Variants in RFX8 observed in about 807,000 individuals in gnomAD.
RFX8 encodes the protein DNA-binding protein RFX8.
In RFX8, 46 loss-of-function variants were observed where a neutral mutation model predicts 54.6. That is an observed-to-expected ratio of 0.84 (90% confidence interval 0.67 to 1.08). The LOEUF is 1.08. RFX8 is among the 50% of genes least tolerant of loss of function. The pLI is 0.00. For missense variants in RFX8, 536 were observed against 562.3 expected, an observed-to-expected ratio of 0.95 and a Z score of 0.47; for synonymous variants, 192 against 209.5, an observed-to-expected ratio of 0.92 and a Z score of 0.72.
intron 2 of RFX8, among the ~76,000 whole-genome samples, chr2:101,463,946 T>C (rs185714409): frequency 6.6e-6 from 1 of 152,310 alleles, no homozygotes; most frequent in Non-Finnish European, 1.5e-5. Flanking sequence ...ATCAGACTGA[T>C]GACAATGTTG....
intron 10 of RFX8, among the ~76,000 whole-genome samples, chr2:101,403,741 C>T (rs112538218): frequency 0.018 from 2,753 of 152,118 alleles, 92 homozygotes; most frequent in African/African-American, 0.062. Context: ...GAGCCAAGAT[C>T]GCACCATTGC....
intron 9 of RFX8, among the ~76,000 whole-genome samples, chr2:101,407,573 T>G (rs1171592975): frequency 6.6e-6 from 1 of 152,066 alleles, no homozygotes; most frequent in African/African-American, 2.4e-5. Context: ...ACGCCTGTAA[T>G]CCCAGCTACT....
At chr2:101,461,260 C>T (rs1322034003) in intron 2 of RFX8, among the ~76,000 whole-genome samples, 3 of 15,402 alleles carry the variant, frequency 1.9e-4, no homozygotes, top group Non-Finnish European at 3.7e-4. Flanking sequence ...GAGACTCCAT[C>T]TCAAAAAAAA....
intron 11 of RFX8, among the ~76,000 whole-genome samples, chr2:101,398,910 T>C (rs1269081610): frequency 6.6e-6 from 1 of 152,190 alleles, no homozygotes; most frequent in Non-Finnish European, 1.5e-5. Context: ...CACCACCCAG[T>C]GAAAAGGTGT....
chr2:101,451,581 C>T (rs897270010), intron 2 of RFX8, among the ~76,000 whole-genome samples: 11 of 149,142 alleles, frequency 7.4e-5, no homozygotes, highest in Non-Finnish European at 1.3e-4. Flanking sequence ...CCCAGCTACT[C>T]GGGAGGCTGA....
chr2:101,419,251 T>C (rs1047770126), intron 4 of RFX8, among the ~76,000 whole-genome samples: 1 of 152,168 alleles, frequency 6.6e-6, no homozygotes, highest in Non-Finnish European at 1.5e-5. Context: ...GGGGCTCCAG[T>C]TGATTATACT....
intron 11 of RFX8, among the ~76,000 whole-genome samples, chr2:101,401,034 T>C (rs981122287): frequency 2.0e-5 from 3 of 152,284 alleles, no homozygotes; most frequent in East Asian, 1.9e-4. Flanking sequence ...CACCCCCAAG[T>C]TGGGGTCAGT....
intron 1 of RFX8, 62 bp downstream of exon 1, chr2:101,474,574 C>A (rs1164614404): frequency 1.1e-5 from 3 of 283,690 alleles, no homozygotes; most frequent in Non-Finnish European, 2.0e-5. Flanking sequence ...TCTCACCCAG[C>A]GCCCTTCCCA....
intron 2 of RFX8, among the ~76,000 whole-genome samples, chr2:101,431,350 C>T (rs7587252): frequency 0.73 from 111,800 of 152,112 alleles, 42,565 homozygotes; most frequent in Middle Eastern, 0.88. Context: ...GCTGAAGTGT[C>T]GGGTGCTAGG....
intron 2 of RFX8, among the ~76,000 whole-genome samples, chr2:101,459,792 C>T (rs2148984962): frequency 6.6e-6 from 1 of 152,322 alleles, no homozygotes; most frequent in Non-Finnish European, 1.5e-5. Flanking sequence ...ACGTTTAAGT[C>T]TGCAGAAGTT....
intron 9 of RFX8, among the ~76,000 whole-genome samples, chr2:101,407,216 CT>C (rs905806919): frequency 3.3e-5 from 5 of 152,228 alleles, no homozygotes; most frequent in Non-Finnish European, 7.3e-5. Context: ...CTTTTCCCTT[CT>C]GCCCCAGTGA....
chr2:101,400,323 C>T (rs911192342), intron 11 of RFX8, among the ~76,000 whole-genome samples: 3 of 152,292 alleles, frequency 2.0e-5, no homozygotes, highest in Admixed American at 2.0e-4. Flanking sequence ...GTCACTTTAG[C>T]GAGAATGCCC....
intron 9 of RFX8, among the ~76,000 whole-genome samples, chr2:101,408,399 G>C (rs1685880453): frequency 6.6e-6 from 1 of 152,016 alleles, no homozygotes; most frequent in Admixed American, 6.6e-5. Flanking sequence ...GCAGGAGAAT[G>C]GCGTGAACCC....
intron 1 of RFX8, among the ~76,000 whole-genome samples, chr2:101,472,013 G>A (rs1690027116): frequency 6.6e-6 from 1 of 151,988 alleles, no homozygotes; most frequent in Non-Finnish European, 1.5e-5. Flanking sequence ...TGCTCCTCCA[G>A]CATTGGTAAC....
chr2:101,451,159 C>T (rs374815035), intron 2 of RFX8, among the ~76,000 whole-genome samples: 1 of 152,108 alleles, frequency 6.6e-6, no homozygotes, highest in East Asian at 1.9e-4. Context: ...AGCAGCTTGT[C>T]CCGGCTTCAG....
rs1573446240 is a variant in RFX8 at position 101,445,441 on chromosome 2, G to A, written c.72+21336C>T. Among the ~76,000 whole-genome samples the A allele has an allele frequency of 2.0e-5, 3 of 152,078 alleles. No individual in the cohort carries two copies. In the East Asian group the frequency reaches 5.8e-4, roughly 29 times the overall value. On this transcript the variant is annotated intron_variant, in intron 2 of 11. Transcript: ENST00000428343. Reference sequence around the variant, plus strand: ...AGGGTCTTGCTCTGTAGCCCAGGCTGGAGTGCAGTGGCGTGATCATAGCTC... The same window carrying A: ...AGGGTCTTGCTCTGTAGCCCAGGCTAGAGTGCAGTGGCGTGATCATAGCTC...
At chr2:101,459,565 A>G (rs6543064) in intron 2 of RFX8, among the ~76,000 whole-genome samples, 52,372 of 151,902 alleles carry the variant, frequency 0.34, 9,678 homozygotes, top group African/African-American at 0.44. Flanking sequence ...AGCAAATATC[A>G]CAGAATAGCA....
At chr2:101,407,600 G>A (rs1685812577) in intron 9 of RFX8, among the ~76,000 whole-genome samples, 1 of 152,154 alleles carries the variant, frequency 6.6e-6, no homozygotes, top group African/African-American at 2.4e-5. Flanking sequence ...GCTGAGGCAG[G>A]AGAATCGCTT....
intron 3 of RFX8, 36 bp downstream of exon 3, chr2:101,422,326 C>G: frequency 2.0e-6 from 2 of 1,005,612 alleles, no homozygotes; most frequent in Non-Finnish European, 3.1e-6. Context: ...CATCATACAG[C>G]GTGAAAGGCT....
Sources: allele counts gnomAD v4.1 joint callset (sites outside exome capture counted in the v4.1 genomes callset), GRCh38; gene constraint gnomAD v4.1.1; transcripts MANE v1.5; gene names NCBI Gene and HGNC (gene_info 2026-07-23, HGNC 2026-07-21).